The following PAX7 variants were observed in gnomAD, a reference collection of about 807,000 sequenced individuals.
PAX7 encodes paired box protein Pax-7.
A neutral mutation model predicts 50.7 loss-of-function variants in PAX7; 18 were observed. That is an observed-to-expected ratio of 0.36 (90% CI 0.25 to 0.53). The LOEUF is 0.53. Among genes scored for constraint, PAX7 ranks in the 20% least tolerant of loss-of-function variants. The probability of loss-of-function intolerance (pLI) is 0.93; values close to 1 mark genes in which losing one functional copy is unlikely to be tolerated. For missense variants in PAX7, 644 were observed against 702.9 expected, an observed-to-expected ratio of 0.92 and a Z score of 0.95; for synonymous variants, 310 against 290.4, an observed-to-expected ratio of 1.07 and a Z score of -0.69.
rs565426466 is a variant in PAX7 at position 18,642,492 on chromosome 1, C to A, written c.586+6121C>A. Among the ~76,000 whole-genome samples the A allele has an allele frequency of 2.6e-5, 4 of 152,320 alleles. No homozygotes were observed. In the East Asian group the frequency reaches 7.7e-4, roughly 29 times the overall value. ...AGGCCATGACTAAGGGGGGAGGACA[C>A]ATTCCAGAAATTCCAGAAAAATAGC... On this transcript the variant is annotated intron_variant, in intron 4 of 8. Transcript: ENST00000420770.
At chr1:18,688,885 G>A (rs930187858) in intron 4 of PAX7, among the ~76,000 whole-genome samples, 1 of 152,148 alleles carries the variant, frequency 6.6e-6, no homozygotes, top group East Asian at 1.9e-4. Flanking sequence ...CTGCACTCTA[G>A]CCTGGGCGAC....
Position 18,735,485 on chromosome 1 carries a change from G to C in PAX7, c.1156-147G>C, listed in dbSNP as rs2089698239. 9.2e-6 allele frequency: 13 copies of C among 1,420,256 alleles called. No homozygotes were observed. The East Asian group carries it at 3.2e-4, about 35-fold the overall frequency. The allele number at this position is 1,420,256 out of a possible 1,614,324, so 88.0% of individuals were successfully genotyped here. A position where few individuals can be genotyped will look rare whatever the true frequency, so the allele number is the denominator to read the frequency against. Reference sequence around the variant, plus strand: ...CCATGCATGAGGGCACGCAAATCAGGTAAACTGAGGACCTCGAAGCTACAG... The same window carrying C: ...CCATGCATGAGGGCACGCAAATCAGCTAAACTGAGGACCTCGAAGCTACAG... On this transcript the variant is annotated intron_variant, in intron 7 of 8. Transcript: ENST00000420770. The surrounding 1 kb of genome is among the most constrained non-coding windows in gnomAD (Gnocchi z 4.0).
intron 4 of PAX7, among the ~76,000 whole-genome samples, chr1:18,690,546 G>A (rs2100292918): frequency 6.6e-6 from 1 of 152,312 alleles, no homozygotes; most frequent in African/African-American, 2.4e-5. Flanking sequence ...TAAGGAGGCT[G>A]AGCAGGGGCT....
chr1:18,645,849 A>T (rs149974413), intron 4 of PAX7, among the ~76,000 whole-genome samples: 53 of 152,272 alleles, frequency 3.5e-4, no homozygotes, highest in African/African-American at 1.3e-3. Context: ...AAGCCTGCAG[A>T]AGCACCTCCG....
At chr1:18,730,071 T>G (rs1570239800) in intron 7 of PAX7, among the ~76,000 whole-genome samples, 2 of 149,998 alleles carry the variant, frequency 1.3e-5, no homozygotes, top group East Asian at 2.0e-4. Flanking sequence ...GTCGGGGAGG[T>G]GAAAAAGGAA....
intron 4 of PAX7, among the ~76,000 whole-genome samples, chr1:18,637,159 T>A (rs1394250648): frequency 6.6e-6 from 1 of 152,020 alleles, no homozygotes; most frequent in Admixed American, 6.5e-5. Context: ...AAGGAGGGCG[T>A]TTAGTTTTCA....
intron 4 of PAX7, among the ~76,000 whole-genome samples, chr1:18,644,248 C>A (rs562141336): frequency 1.3e-5 from 2 of 152,198 alleles, no homozygotes; most frequent in South Asian, 2.1e-4. Flanking sequence ...TCCATCCGAA[C>A]CCAGGTGTGC....
intron 4 of PAX7, among the ~76,000 whole-genome samples, chr1:18,642,035 G>T (rs939444617): frequency 6.8e-6 from 1 of 146,366 alleles, no homozygotes; most frequent in African/African-American, 2.6e-5. Context: ...GGATTTAAAA[G>T]CACATATAAC....
intron 4 of PAX7, among the ~76,000 whole-genome samples, chr1:18,645,234 C>T (rs2088319255): frequency 6.6e-6 from 1 of 152,194 alleles, no homozygotes; most frequent in African/African-American, 2.4e-5. Context: ...TCTGGAGTGG[C>T]CCGCGTCGGC....
intron 1 of PAX7, among the ~76,000 whole-genome samples, chr1:18,633,353 C>A (rs2088088928): frequency 6.6e-6 from 1 of 152,342 alleles, no homozygotes; most frequent in South Asian, 2.1e-4. Context: ...TCCCCCCAAT[C>A]TTCTGTGAGG....
At chr1:18,676,058 G>A (rs1331646924) in intron 4 of PAX7, among the ~76,000 whole-genome samples, 4 of 152,114 alleles carry the variant, frequency 2.6e-5, no homozygotes, top group African/African-American at 7.2e-5. Flanking sequence ...AAGCCACCTC[G>A]CCCAGCTTCA....
Position 18,745,186 on chromosome 1 carries a change from T to C in PAX7, c.*257T>C. The C allele has an allele frequency of 1.5e-5, 8 of 516,450 alleles. No homozygotes were observed. In the South Asian group the frequency reaches 2.0e-4, roughly 13 times the overall value. 32.0% of individuals were successfully genotyped at this position (516,450 alleles called of 1,614,324 possible). On this transcript the variant is annotated 3_prime_UTR_variant, in exon 9 of 9. Transcript: ENST00000420770. Reference sequence around the variant, plus strand: ...TTCTGGTCAGCCTGAGGTCCTCCCCTGTCAAATCCCATGGTGGCCTCTGTG... The same window carrying C: ...TTCTGGTCAGCCTGAGGTCCTCCCCCGTCAAATCCCATGGTGGCCTCTGTG...
chr1:18,733,220 G>A (rs1365278563), intron 7 of PAX7, among the ~76,000 whole-genome samples: 1 of 152,024 alleles, frequency 6.6e-6, no homozygotes, highest in Non-Finnish European at 1.5e-5. Flanking sequence ...AACAAACACA[G>A]TCCCACAGTG....
At chr1:18,725,324 A>T (rs1250336314) in intron 7 of PAX7, among the ~76,000 whole-genome samples, 1 of 109,456 alleles carries the variant, frequency 9.1e-6, no homozygotes, top group African/African-American at 3.3e-5. Context: ...CCCCACCAAC[A>T]CCGCCAGGCC....
At chr1:18,733,501 G>A (rs1383743641) in intron 7 of PAX7, among the ~76,000 whole-genome samples, 7 of 152,194 alleles carry the variant, frequency 4.6e-5, no homozygotes. Context: ...CTCCCCAGCT[G>A]TGTGGAGATG....
intron 8 of PAX7, among the ~76,000 whole-genome samples, chr1:18,738,718 C>G (rs1027497927): frequency 6.6e-6 from 1 of 152,174 alleles, no homozygotes; most frequent in African/African-American, 2.4e-5. Context: ...GACCCCAACT[C>G]ACCCCACAGA....
At chr1:18,660,820 G>C (rs895319254) in intron 4 of PAX7, among the ~76,000 whole-genome samples, 83 of 152,170 alleles carry the variant, frequency 5.5e-4, no homozygotes, top group African/African-American at 1.9e-3. Flanking sequence ...AGGGGAGAGA[G>C]GACTCACGGG....
At chr1:18,728,309 G>A (rs937610549) in intron 7 of PAX7, among the ~76,000 whole-genome samples, 12 of 152,014 alleles carry the variant, frequency 7.9e-5, no homozygotes, top group Admixed American at 3.9e-4. Flanking sequence ...CATGGATGTC[G>A]TTCTCTGTCT....
At chr1:18,713,640 C>T (rs2089382363) in intron 7 of PAX7, among the ~76,000 whole-genome samples, 1 of 152,126 alleles carries the variant, frequency 6.6e-6, no homozygotes, top group African/African-American at 2.4e-5. Flanking sequence ...TCATCCCACC[C>T]CAGAGATAAA....
Sources: allele counts gnomAD v4.1 joint callset (sites outside exome capture counted in the v4.1 genomes callset), GRCh38; gene constraint gnomAD v4.1.1; non-coding constraint Gnocchi (gnomAD v3.1); transcripts MANE v1.5; gene names NCBI Gene and HGNC (gene_info 2026-07-23, HGNC 2026-07-21).